Variants in MYLK observed in about 807,000 individuals in gnomAD.
The protein encoded by MYLK is myosin light chain kinase, smooth muscle.
MYLK carries 106 observed loss-of-function variants against 203.4 expected under a neutral mutation model. The ratio of observed to expected loss-of-function variants is 0.52; its 90% CI spans 0.45 to 0.61. The LOEUF (loss-of-function observed/expected upper bound fraction) is 0.61, where lower values mean the gene tolerates loss of function less well. Ranked by LOEUF, MYLK falls within the 20% of genes least tolerant of loss-of-function variation. The pLI is 0.00. For synonymous variants in MYLK, 867 were observed against 959.5 expected, an observed-to-expected ratio of 0.90 and a Z score of 1.78; for missense variants, 2,072 against 2,442.3, an observed-to-expected ratio of 0.85 and a Z score of 3.20.
intron 2 of MYLK, among the ~76,000 whole-genome samples, chr3:123,852,829 T>C (rs911552672): frequency 6.6e-6 from 1 of 152,076 alleles, no homozygotes; most frequent in Non-Finnish European, 1.5e-5. Context: ...AAGAAGGAAA[T>C]GTTCAGTTTG....
chr3:123,816,905 T>A (rs902362789), intron 3 of MYLK, among the ~76,000 whole-genome samples: 2 of 151,904 alleles, frequency 1.3e-5, no homozygotes, highest in Admixed American at 1.3e-4. Flanking sequence ...TGCAGTAGGG[T>A]GGGAAACAGA....
intron 4 of MYLK, among the ~76,000 whole-genome samples, chr3:123,773,755 C>G (rs964599872): frequency 2.6e-5 from 4 of 152,236 alleles, no homozygotes; most frequent in African/African-American, 9.6e-5. Flanking sequence ...CCCAGCAGGA[C>G]AGCTGGGAGG....
intron 18 of MYLK, among the ~76,000 whole-genome samples, chr3:123,697,532 T>C (rs148505460): frequency 4.6e-5 from 7 of 152,330 alleles, no homozygotes; most frequent in African/African-American, 9.6e-5. Context: ...AGAGGTCATA[T>C]AGCACGGTGG....
intron 31 of MYLK, chr3:123,623,235 G>C (rs1237368888): frequency 1.3e-5 from 2 of 152,162 alleles, no homozygotes; most frequent in Non-Finnish European, 2.9e-5. Flanking sequence ...GTGCTATACT[G>C]AGTCCAGTGT....
chr3:123,779,085 A>G (rs1576943987), intron 4 of MYLK, among the ~76,000 whole-genome samples: 1 of 152,192 alleles, frequency 6.6e-6, no homozygotes, highest in Non-Finnish European at 1.5e-5. Context: ...TTCACTGTGC[A>G]TGTGGGGGAC....
chr3:123,744,313 T>C (rs2062950641), intron 5 of MYLK, among the ~76,000 whole-genome samples: 1 of 152,224 alleles, frequency 6.6e-6, no homozygotes, highest in African/African-American at 2.4e-5. Flanking sequence ...TGGCAGATTC[T>C]TGCATTAACT....
chr3:123,861,986 A>T (rs985001712), intron 2 of MYLK, among the ~76,000 whole-genome samples: 22 of 152,180 alleles, frequency 1.4e-4, no homozygotes, highest in African/African-American at 4.6e-4. Context: ...CTCTCTGTTC[A>T]CTCAGAGCAG....
intron 2 of MYLK, among the ~76,000 whole-genome samples, chr3:123,859,295 G>A (rs1370536623): frequency 6.6e-6 from 1 of 152,228 alleles, no homozygotes; most frequent in Non-Finnish European, 1.5e-5. Context: ...AACCCAGTTG[G>A]GTCCCATGGT....
chr3:123,616,922 G>A (rs775310652), intron 33 of MYLK: 1 of 152,046 alleles, frequency 6.6e-6, no homozygotes, highest in African/African-American at 2.4e-5. Flanking sequence ...AATGCAAACA[G>A]GCTAATATGA....
At chr3:123,690,907 T>C (rs769717439) in intron 19 of MYLK, among the ~76,000 whole-genome samples, 9 of 152,108 alleles carry the variant, frequency 5.9e-5, no homozygotes, top group Non-Finnish European at 4.4e-5. Flanking sequence ...CAAGGGAATC[T>C]GCCAGCAGAC....
At chr3:123,716,044 C>G (rs2061880922) in intron 13 of MYLK, 1 of 152,208 alleles carries the variant, frequency 6.6e-6, no homozygotes, top group South Asian at 2.1e-4. Context: ...ACTCCAAACC[C>G]TGTTATACTA....
intron 3 of MYLK, among the ~76,000 whole-genome samples, chr3:123,822,480 T>C (rs902446919): frequency 6.6e-6 from 1 of 152,194 alleles, no homozygotes; most frequent in Non-Finnish European, 1.5e-5. Context: ...AGGGAAGCCA[T>C]GAGGGACTCC....
At chr3:123,704,528 C>T (rs2061374307) in intron 16 of MYLK, among the ~76,000 whole-genome samples, 1 of 152,196 alleles carries the variant, frequency 6.6e-6, no homozygotes, top group Non-Finnish European at 1.5e-5. Flanking sequence ...AAGAGTTCCA[C>T]TCTGGTTACA....
rs1559986067 is a variant in MYLK at position 123,629,637 on chromosome 3, A to G, written c.4962-11T>C. 3 of 1,613,444 alleles carry G rather than the reference A, an allele frequency of 1.9e-6. No individual in the cohort carries two copies. Among genetic ancestry groups the G allele is most frequent in the Non-Finnish European group, 2.5e-6 (3 of 1,179,994 alleles). On this transcript the variant is annotated splice_polypyrimidine_tract_variant and intron_variant, in intron 29 of 33. Coordinates refer to ENST00000360304, the MANE Select transcript of MYLK (RefSeq NM_053025.4). This position sits in a 1 kb window ranked among gnomAD's most constrained non-coding sequence, Gnocchi z 4.4. ...GAAAGGCCACTGACTCTGGAGAGAC[A>G]AGAGCAGGACAGCAGGTGTGGCTAG...
At chr3:123,719,790 T>C (rs1173585097) in intron 13 of MYLK, among the ~76,000 whole-genome samples, 1 of 152,148 alleles carries the variant, frequency 6.6e-6, no homozygotes. Context: ...GAAGCAGCCA[T>C]CAGTGCAGTA....
At chr3:123,729,873 C>T (rs993940141) in intron 11 of MYLK, among the ~76,000 whole-genome samples, 6 of 149,934 alleles carry the variant, frequency 4.0e-5, no homozygotes, top group African/African-American at 1.5e-4. Flanking sequence ...CAGAGTGAGA[C>T]CCTGTTTCAA....
Position 123,618,538 on chromosome 3 carries a change from C to T in MYLK, c.5500+101G>A. On this transcript the variant is annotated intron_variant, in intron 33 of 33. Coordinates refer to ENST00000360304, the MANE Select transcript of MYLK (RefSeq NM_053025.4). ...AAAGCTTGGCAGTTCCTCATTGTCC[C>T]CAGCTGCACAGAACTGACTTCTTGC... 6 of 1,536,122 alleles carry T rather than the reference C, an allele frequency of 3.9e-6. No homozygotes were observed. The South Asian group carries it at 5.6e-5, about 14-fold the overall frequency.
intron 18 of MYLK, among the ~76,000 whole-genome samples, chr3:123,694,461 C>G (rs933570671): frequency 6.6e-6 from 1 of 151,932 alleles, no homozygotes; most frequent in African/African-American, 2.4e-5. Flanking sequence ...TCTGGGTGGG[C>G]GGGAGGATGC....
Position 123,612,522 on chromosome 3 carries a change from TTGAA to T in MYLK, c.*1579_*1582del, listed in dbSNP as rs764164197. The T allele has an allele frequency of 7.2e-5, 11 of 152,596 alleles. No homozygotes were observed. Among genetic ancestry groups the T allele is most frequent in the Non-Finnish European group, 1.3e-4 (9 of 68,030 alleles). 9.5% of individuals were successfully genotyped at this position (152,596 alleles called of 1,614,324 possible). On this transcript the variant is annotated 3_prime_UTR_variant, in exon 34 of 34. Coordinates refer to ENST00000360304, the MANE Select transcript of MYLK (RefSeq NM_053025.4). Reference sequence around the variant, plus strand: ...AACACAAAAGTGATAGAAAAAAGCTTTGAATGCGCTAAATCAAATAAAAACCCTT... The same window carrying T: ...AACACAAAAGTGATAGAAAAAAGCTTTGCGCTAAATCAAATAAAAACCCTT...
Sources: allele counts gnomAD v4.1 joint callset (sites outside exome capture counted in the v4.1 genomes callset), GRCh38; gene constraint gnomAD v4.1.1; non-coding constraint Gnocchi (gnomAD v3.1); transcripts MANE v1.5; gene names NCBI Gene and HGNC (gene_info 2026-07-23, HGNC 2026-07-21).